Variants in PDCD6 observed in about 807,000 individuals in gnomAD.
The protein encoded by PDCD6 is programmed cell death protein 6.
Under a neutral mutation model 28.3 loss-of-function variants are expected in PDCD6, and 12 were observed. That is an observed-to-expected ratio of 0.42 (90% confidence interval 0.27 to 0.69). The LOEUF (loss-of-function observed/expected upper bound fraction) is 0.69. PDCD6 is among the 30% of genes least tolerant of loss of function. The pLI, the probability that PDCD6 is intolerant of heterozygous loss-of-function variation, is 0.22. For missense variants in PDCD6, 226 were observed against 269.9 expected (o/e 0.84, Z 1.14); for synonymous variants, 92 against 108.0 (o/e 0.85, Z 0.92).
intron 2 of PDCD6, among the ~76,000 whole-genome samples, chr5:279,803 AAAACG>A (rs1161333898): frequency 2.1e-5 from 3 of 145,194 alleles, no homozygotes; most frequent in African/African-American, 8.4e-5. Context: ...AAAAAAAAAA[AAAACG>A]AGGAGCCGGT....
intron 2 of PDCD6, among the ~76,000 whole-genome samples, chr5:295,414 T>C (rs1739550019): frequency 6.6e-6 from 1 of 151,642 alleles, no homozygotes; most frequent in African/African-American, 2.4e-5. Context: ...TTTCTGCTGA[T>C]GAGGTTGCAT....
chr5:288,057 A>G (rs532437854), intron 2 of PDCD6, among the ~76,000 whole-genome samples: 15 of 152,218 alleles, frequency 9.9e-5, no homozygotes, highest in African/African-American at 3.4e-4. Flanking sequence ...GAAGTATACA[A>G]AAGAATTTGA....
chr5:300,618 A>G (rs1214389584), intron 2 of PDCD6, among the ~76,000 whole-genome samples: 4 of 152,244 alleles, frequency 2.6e-5, no homozygotes, highest in Admixed American at 6.5e-5. Flanking sequence ...AGGTATGTCT[A>G]GCACCTAATG....
intron 2 of PDCD6, among the ~76,000 whole-genome samples, chr5:286,590 C>T (rs1329152184): frequency 2.0e-5 from 3 of 151,310 alleles, no homozygotes; most frequent in Non-Finnish European, 4.4e-5. Context: ...TTTAGAGGAC[C>T]GTGCCACTGG....
At chr5:306,308 G>A (rs1740478414) in intron 3 of PDCD6, 1 of 338,848 alleles carries the variant, frequency 3.0e-6, no homozygotes, top group African/African-American at 2.0e-5. Flanking sequence ...GGCTGCGGCT[G>A]GATTTCCTCA....
intron 2 of PDCD6, among the ~76,000 whole-genome samples, chr5:280,391 G>T (rs1284131853): frequency 7.3e-5 from 11 of 151,634 alleles, no homozygotes. Flanking sequence ...TGGCATTTAA[G>T]AGGGGAGACC....
chr5:283,671 G>A (rs1469351472), intron 2 of PDCD6, among the ~76,000 whole-genome samples: 1 of 151,908 alleles, frequency 6.6e-6, no homozygotes, highest in East Asian at 1.9e-4. Flanking sequence ...CTAGTTTGAG[G>A]GTTGTGCAGC....
intron 2 of PDCD6, chr5:289,934 C>A (rs558081337): frequency 6.6e-7 from 1 of 1,524,038 alleles, no homozygotes; most frequent in African/African-American, 1.4e-5. Context: ...CAGCTAACAA[C>A]CATCACATCC....
At chr5:311,425 GT>G in intron 5 of PDCD6, 23 bp downstream of exon 5, 7 of 1,537,702 alleles carry the variant, frequency 4.6e-6, no homozygotes, top group Non-Finnish European at 6.3e-6. Context: ...CTTCACGTGG[GT>G]TTGTGGTGGT....
chr5:276,854 ACTG>A (rs1738230297), intron 2 of PDCD6: 1 of 985,188 alleles, frequency 1.0e-6, no homozygotes. Flanking sequence ...GCTAAAAATT[ACTG>A]CTCTCAGGGA....
intron 2 of PDCD6, among the ~76,000 whole-genome samples, chr5:301,146 C>T (rs1246220262): frequency 1.3e-5 from 2 of 152,214 alleles, no homozygotes; most frequent in Admixed American, 1.3e-4. Context: ...AGGTCTCATC[C>T]AGCTCCACAC....
intron 5 of PDCD6, among the ~76,000 whole-genome samples, chr5:314,178 G>T (rs1321818215): frequency 2.0e-5 from 3 of 152,228 alleles, no homozygotes; most frequent in African/African-American, 7.2e-5. Flanking sequence ...GGCTCAGCCA[G>T]GGGCTCAGCC....
chr5:297,149 C>T (rs62346175), intron 2 of PDCD6, among the ~76,000 whole-genome samples: 18,996 of 149,998 alleles, frequency 0.13, 1,296 homozygotes, highest in Admixed American at 0.16. Context: ...AGCTTCTCCC[C>T]ACGCATCCCA....
intron 2 of PDCD6, chr5:290,450 G>C (rs1014929178): frequency 1.6e-6 from 1 of 621,552 alleles, no homozygotes; most frequent in African/African-American, 1.9e-5. Context: ...CAAGTTGGGT[G>C]GGGGGAACGA....
intron 4 of PDCD6, chr5:309,707 G>A (rs1419456125): frequency 1.3e-5 from 1 of 74,802 alleles, no homozygotes; most frequent in Non-Finnish European, 2.7e-5. Context: ...GAGGGCCGCC[G>A]TCCCCGTGCA....
intron 2 of PDCD6, among the ~76,000 whole-genome samples, chr5:299,390 C>T (rs1475813751): frequency 3.3e-5 from 5 of 149,470 alleles, no homozygotes; most frequent in Non-Finnish European, 5.9e-5. Context: ...ATGCTGGAAC[C>T]GTGATCAGCC....
chr5:310,887 T>C (rs898477793), intron 4 of PDCD6: 1 of 179,412 alleles, frequency 5.6e-6, no homozygotes, highest in South Asian at 1.2e-4. Context: ...AATTTTCTTA[T>C]CTAGGCTAAT....
In PDCD6 at chr5:286,588, A is replaced by T. The variant is rs775534422; in HGVS notation, c.163+13816A>T. Among the ~76,000 whole-genome samples, 125 of 149,440 alleles carry T rather than the reference A, an allele frequency of 8.4e-4. 1 individual carries two copies. Among genetic ancestry groups the T allele is most frequent in the Non-Finnish European group, 7.0e-4 (47 of 67,522 alleles). ...GGGGAGCTGATGTTCCCTTTAGAGG[A>T]CCGTGCCACTGGAGAGCCTGCGGGG... On this transcript the variant is annotated intron_variant, in intron 2 of 5. Coordinates refer to ENST00000264933, the MANE Select transcript of PDCD6 (RefSeq NM_013232.4).
chr5:293,343 G>A (rs1189560495), intron 2 of PDCD6, among the ~76,000 whole-genome samples: 4 of 131,630 alleles, frequency 3.0e-5, no homozygotes, highest in East Asian at 2.1e-4. Flanking sequence ...GGAACAGCAC[G>A]AGGCACTGGG....
Sources: gnomAD v4.1 joint callset for allele counts (sites outside exome capture counted in the v4.1 genomes callset) on GRCh38, gnomAD v4.1.1 for gene constraint, MANE v1.5 for transcripts, NCBI Gene and HGNC (gene_info 2026-07-23, HGNC 2026-07-21) for gene names.